FBXL17: variants seen among roughly 807,000 people sequenced by gnomAD.
FBXL17 encodes F-box/LRR-repeat protein 17.
A neutral mutation model predicts 66.2 loss-of-function variants in FBXL17; 22 were observed. The ratio of observed to expected loss-of-function variants is 0.33; its 90% CI spans 0.24 to 0.47. The LOEUF is 0.47. FBXL17 is among the 20% of genes least tolerant of loss of function. The pLI, the probability that FBXL17 is intolerant of heterozygous loss-of-function variation, is 1.00. For synonymous variants in FBXL17, 474 were observed against 400.5 expected (o/e 1.18, Z -2.19); for missense variants, 878 against 948.2 (o/e 0.93, Z 0.97).
intron 7 of FBXL17, among the ~76,000 whole-genome samples, chr5:107,924,637 C>A (rs970303448): frequency 2.0e-5 from 3 of 152,076 alleles, no homozygotes; most frequent in South Asian, 2.1e-4. Flanking sequence ...ATCAATGTAC[C>A]CAGCATCTTT....
intron 4 of FBXL17, among the ~76,000 whole-genome samples, chr5:108,277,208 G>T (rs1416767185): frequency 6.6e-6 from 1 of 152,056 alleles, no homozygotes; most frequent in Non-Finnish European, 1.5e-5. Flanking sequence ...TGATATATTT[G>T]ATAGCACTGA....
rs989310232 is a variant in FBXL17, at chr5:108,123,868, A to T, written c.1745+62249T>A. On this transcript the variant is annotated intron_variant, in intron 6 of 8. Coordinates refer to ENST00000542267, the MANE Select transcript of FBXL17 (RefSeq NM_001163315.3). The stretch of plus-strand genomic sequence containing the variant: ...AGTACTTTCATATGGAAAACATAAG[A>T]CACCACTAACAAAATGAAGAATTTT... 4.6e-5 allele frequency among the ~76,000 whole-genome samples: 7 copies of T among 152,172 alleles called. No homozygotes were observed. In the South Asian group the frequency reaches 8.3e-4, roughly 18 times the overall value.
At chr5:108,184,740 T>A (rs1304197860) in intron 6 of FBXL17, among the ~76,000 whole-genome samples, 2 of 86,736 alleles carry the variant, frequency 2.3e-5, no homozygotes, top group Non-Finnish European at 4.1e-5. Flanking sequence ...AAAGCAAGAC[T>A]CGGTCTCAAA....
intron 6 of FBXL17, among the ~76,000 whole-genome samples, chr5:108,053,574 T>C (rs551747098): frequency 2.8e-4 from 42 of 152,244 alleles, no homozygotes; most frequent in African/African-American, 8.7e-4. Context: ...TACCATCTCA[T>C]GCCAGTCAGA....
intron 7 of FBXL17, among the ~76,000 whole-genome samples, chr5:108,011,727 G>A (rs1315744346): frequency 6.6e-5 from 10 of 152,294 alleles, no homozygotes; most frequent in Non-Finnish European, 1.2e-4. Flanking sequence ...GGGAGGCTGA[G>A]GCAGGAGAAT....
chr5:108,016,786 C>CTT (rs70996975), intron 7 of FBXL17, among the ~76,000 whole-genome samples: 1 of 131,890 alleles, frequency 7.6e-6, no homozygotes, highest in Non-Finnish European at 1.6e-5. Context: ...TTCTTTCTTT[C>CTT]TTTTTTTTTT....
At chr5:108,150,982 T>G (rs1167753872) in intron 6 of FBXL17, among the ~76,000 whole-genome samples, 1 of 152,208 alleles carries the variant, frequency 6.6e-6, no homozygotes, top group Non-Finnish European at 1.5e-5. Context: ...TAGTTTTGTG[T>G]GGGTCTCTTA....
chr5:108,083,260 GAT>G (rs1346950922), intron 6 of FBXL17, among the ~76,000 whole-genome samples: 7 of 124,990 alleles, frequency 5.6e-5, no homozygotes, highest in Admixed American at 7.9e-5. Flanking sequence ...CAGAGAGAGA[GAT>G]AGACAGATAT....
At chr5:107,910,284 A>G (rs1749906976) in intron 7 of FBXL17, among the ~76,000 whole-genome samples, 1 of 152,184 alleles carries the variant, frequency 6.6e-6, no homozygotes. Flanking sequence ...AAATCTTTTA[A>G]TCTTAAAAAC....
intron 6 of FBXL17, among the ~76,000 whole-genome samples, chr5:108,094,172 G>A (rs533179632): frequency 3.2e-4 from 49 of 152,074 alleles, no homozygotes; most frequent in Non-Finnish European, 6.5e-4. Flanking sequence ...TCATAGTAGT[G>A]TGTGCTCTTT....
intron 7 of FBXL17, among the ~76,000 whole-genome samples, chr5:107,913,889 G>A (rs368573298): frequency 2.6e-5 from 4 of 152,008 alleles, no homozygotes; most frequent in Non-Finnish European, 4.4e-5. Context: ...TGTGCCACAC[G>A]GGATTGAAAT....
intron 4 of FBXL17, among the ~76,000 whole-genome samples, chr5:108,224,858 C>T (rs1271602636): frequency 6.6e-6 from 1 of 152,044 alleles, no homozygotes; most frequent in African/African-American, 2.4e-5. Context: ...AAACTCCTGA[C>T]CTTAAGTGAT....
chr5:108,308,569 G>A (rs540434437), intron 4 of FBXL17, among the ~76,000 whole-genome samples: 39 of 152,104 alleles, frequency 2.6e-4, no homozygotes, highest in South Asian at 1.7e-3. Flanking sequence ...ATTCTAATTT[G>A]GGAAGAAAAC....
chr5:108,365,211 T>G (rs1188991285), intron 2 of FBXL17, among the ~76,000 whole-genome samples: 1 of 152,034 alleles, frequency 6.6e-6, no homozygotes, highest in Non-Finnish European at 1.5e-5. Flanking sequence ...TTGCCACATA[T>G]TTCCCAAAAC....
intron 4 of FBXL17, among the ~76,000 whole-genome samples, chr5:108,253,255 TAA>T (rs879856005): frequency 1.9e-3 from 283 of 151,796 alleles, no homozygotes; most frequent in African/African-American, 6.4e-3. Flanking sequence ...GTGATTTTTT[TAA>T]AAATTTTTAT....
At chr5:108,015,808 T>C (rs926244076) in intron 7 of FBXL17, among the ~76,000 whole-genome samples, 1 of 152,148 alleles carries the variant, frequency 6.6e-6, no homozygotes, top group Non-Finnish European at 1.5e-5. Flanking sequence ...AACCTTTTAA[T>C]CTTCCAATAG....
At position 108,192,127 on chromosome 5, in the gene FBXL17, T is replaced by A. The variant is rs575756004; in HGVS notation, c.1615-5880A>T. The stretch of plus-strand genomic sequence containing the variant: ...AAATTCATCACATTCCTTCCTTCAC[T>A]ATGGGAATTTCATAATGGTGCCCCC... On this transcript the variant is annotated intron_variant, in intron 5 of 8. Transcript: ENST00000542267. 1.1e-4 allele frequency among the ~76,000 whole-genome samples: 17 copies of A among 152,332 alleles called. No homozygotes were observed. In the South Asian group the frequency reaches 1.2e-3, roughly 11 times the overall value.
chr5:108,224,667 C>T (rs1755021101), intron 4 of FBXL17, among the ~76,000 whole-genome samples: 1 of 152,206 alleles, frequency 6.6e-6, no homozygotes, highest in Admixed American at 6.5e-5. Flanking sequence ...TCTCGACTCA[C>T]TGCAACCTCC....
intron 6 of FBXL17, among the ~76,000 whole-genome samples, chr5:108,039,287 G>GA (rs756885980): frequency 6.6e-5 from 10 of 151,936 alleles, no homozygotes; most frequent in Non-Finnish European, 1.2e-4. Context: ...GAAATGATAT[G>GA]ATGTTTTACA....
Sources: gnomAD v4.1 joint callset for allele counts (sites outside exome capture counted in the v4.1 genomes callset) on GRCh38, gnomAD v4.1.1 for gene constraint, MANE v1.5 for transcripts, NCBI Gene and HGNC (gene_info 2026-07-23, HGNC 2026-07-21) for gene names.